The following PPP1CC variants were observed in gnomAD, a reference collection of about 807,000 sequenced individuals.
The protein encoded by PPP1CC is serine/threonine-protein phosphatase PP1-gamma catalytic subunit.
PPP1CC carries 16 observed loss-of-function variants against 38.4 expected under a neutral mutation model. That is an observed-to-expected ratio of 0.42 (90% CI 0.28 to 0.63). The LOEUF is 0.63. Ranked by LOEUF, PPP1CC falls within the 30% of genes least tolerant of loss-of-function variation. The pLI, the probability that PPP1CC is intolerant of heterozygous loss-of-function variation, is 0.25. For synonymous variants in PPP1CC, 158 were observed against 136.0 expected (o/e 1.16, Z -1.13); for missense variants, 170 against 391.3 (o/e 0.43, Z 4.77).
intron 1 of PPP1CC, among the ~76,000 whole-genome samples, chr12:110,737,497 A>AAAAAGAAAAG (rs1555244770): frequency 8.1e-5 from 12 of 147,616 alleles, no homozygotes; most frequent in African/African-American, 2.8e-4. Flanking sequence ...AAAAAAAAAA[A>AAAAAGAAAAG]AAAAGAAAAG....
downstream of PPP1CC, among the ~76,000 whole-genome samples, chr12:110,718,763 C>G (rs1310212859): frequency 1.3e-5 from 2 of 152,178 alleles, no homozygotes; most frequent in African/African-American, 4.8e-5. Context: ...TCAGGTCACT[C>G]ACTCAAATCA....
chr12:110,714,788 A>G (rs2136529280), downstream of PPP1CC, among the ~76,000 whole-genome samples: 1 of 135,592 alleles, frequency 7.4e-6, no homozygotes, highest in African/African-American at 2.8e-5. Context: ...CCTGGGCGAC[A>G]GAGCAAGACT....
chr12:110,711,012 C>T, the PPP1CC span, among the ~76,000 whole-genome samples: 1 of 151,178 alleles, frequency 6.6e-6, no homozygotes, highest in African/African-American at 2.4e-5. Flanking sequence ...CCCGTCTCTA[C>T]TAAAAATACA....
chr12:110,721,899 G>A (rs2069743264), intron 6 of PPP1CC: 1 of 504,804 alleles, frequency 2.0e-6, no homozygotes, highest in Non-Finnish European at 3.5e-6. Flanking sequence ...AAGCATTAAG[G>A]AGCCAATATG....
chr12:110,711,879 C>T, the PPP1CC span, among the ~76,000 whole-genome samples: 1 of 151,872 alleles, frequency 6.6e-6, no homozygotes, highest in African/African-American at 2.4e-5. Flanking sequence ...GAGCCGAGAT[C>T]GCACCATTGC....
rs2069728916 is a variant in PPP1CC, at chr12:110,720,757, G to A, written c.*319C>T. 1 of 233,926 alleles carries A rather than the reference G, an allele frequency of 4.3e-6. No individual in the cohort carries two copies. The highest frequency in any genetic ancestry group is 7.4e-5 in the South Asian group (1 of 13,434). The allele number at this position is 233,926 out of a possible 1,614,324, so 14.5% of individuals were successfully genotyped here. On this transcript the variant is annotated 3_prime_UTR_variant, in exon 7 of 7. Transcript: ENST00000335007. ...CATTTACATGATTATGGGTTGTACT[G>A]AATTAAAAAAGATCAATTGTACACT...
Position 110,720,254 on chromosome 12 carries a change from G to A in PPP1CC, c.*822C>T. On this transcript the variant is annotated 3_prime_UTR_variant, in exon 7 of 7. Transcript: ENST00000335007. ...AGACTATATGGAAATTGTATAAAAT[G>A]TTATTACCTTTTATCGTTAGTAGCT... is the stretch of plus-strand genomic sequence containing the variant. 1.4e-6 allele frequency: 2 copies of A among 1,442,298 alleles called. No individual in the cohort carries two copies. The highest frequency in any genetic ancestry group is 2.5e-5 in the South Asian group (2 of 81,282). 89.3% of individuals were successfully genotyped at this position (1,442,298 alleles called of 1,614,324 possible). A position where few individuals can be genotyped will look rare whatever the true frequency, so the allele number is the denominator to read the frequency against.
chr12:110,741,545 C>G (rs1047094173), intron 1 of PPP1CC, among the ~76,000 whole-genome samples: 3 of 152,178 alleles, frequency 2.0e-5, no homozygotes, highest in Admixed American at 1.3e-4. Context: ...TCTTTAAAAG[C>G]TGAACCTCGC....
chr12:110,729,633 G>C (rs767955603), intron 3 of PPP1CC, among the ~76,000 whole-genome samples: 8 of 152,202 alleles, frequency 5.3e-5, no homozygotes, highest in Admixed American at 6.5e-5. Context: ...TTTTAGGAAA[G>C]TTATTGCCAT....
chr12:110,714,451 A>G, the PPP1CC span, among the ~76,000 whole-genome samples: 3 of 152,080 alleles, frequency 2.0e-5, no homozygotes, highest in East Asian at 5.8e-4. Context: ...GGACCATGTG[A>G]GTCTACGATC....
At chr12:110,713,004 T>C in the PPP1CC span, among the ~76,000 whole-genome samples, 19 of 150,378 alleles carry the variant, frequency 1.3e-4, no homozygotes, top group Non-Finnish European at 2.4e-4. Context: ...ACTTGGGAGG[T>C]GGAGGTTGCG....
downstream of PPP1CC, among the ~76,000 whole-genome samples, chr12:110,717,472 C>T (rs2069696435): frequency 6.6e-6 from 1 of 152,180 alleles, no homozygotes; most frequent in Non-Finnish European, 1.5e-5. Context: ...CGGCTCACTG[C>T]AAGCTCCACC....
intron 1 of PPP1CC, among the ~76,000 whole-genome samples, chr12:110,737,184 A>C (rs2069953110): frequency 6.6e-6 from 1 of 152,220 alleles, no homozygotes; most frequent in Non-Finnish European, 1.5e-5. Context: ...AAATGTTATC[A>C]AGAATCCTTT....
intron 3 of PPP1CC, among the ~76,000 whole-genome samples, chr12:110,727,233 G>A (rs1217765313): frequency 6.6e-6 from 1 of 152,202 alleles, no homozygotes; most frequent in Non-Finnish European, 1.5e-5. Context: ...TTACAGGCGT[G>A]AGCTACCACG....
rs910892112 is a variant in PPP1CC at position 110,719,999 on chromosome 12, T to A, written c.*1077A>T. Reference sequence around the variant, plus strand: ...TGAAACAGATTTCTTTTTTAACAGATCTTAGTTTAAAAAAGTCATAGGTAC... The same window carrying A: ...TGAAACAGATTTCTTTTTTAACAGAACTTAGTTTAAAAAAGTCATAGGTAC... On this transcript the variant is annotated 3_prime_UTR_variant, in exon 7 of 7. Coordinates refer to ENST00000335007, the MANE Select transcript of PPP1CC (RefSeq NM_002710.4). 2.6e-5 allele frequency: 18 copies of A among 696,102 alleles called. No homozygotes were observed. Among genetic ancestry groups the A allele is most frequent in the Non-Finnish European group, 4.0e-5 (17 of 425,592 alleles). 43.1% of individuals were successfully genotyped at this position (696,102 alleles called of 1,614,324 possible).
the PPP1CC span, among the ~76,000 whole-genome samples, chr12:110,713,733 T>TCCA: frequency 6.6e-6 from 1 of 152,178 alleles, no homozygotes; most frequent in Admixed American, 6.5e-5. Context: ...TTTGATGGGT[T>TCCA]CCACCTGTCA....
chr12:110,724,605 G>T, intron 4 of PPP1CC, 55 bp downstream of exon 4: 2 of 995,462 alleles, frequency 2.0e-6, no homozygotes, highest in Non-Finnish European at 3.2e-6. Context: ...ATGTTAAAGT[G>T]TTCACCCTTT....
downstream of PPP1CC, among the ~76,000 whole-genome samples, chr12:110,716,929 G>C (rs1041839731): frequency 6.6e-6 from 1 of 152,216 alleles, no homozygotes; most frequent in East Asian, 1.9e-4. Context: ...AATTCTATTT[G>C]AGTCGTAGGC....
intron 1 of PPP1CC, 62 bp downstream of exon 1, chr12:110,742,591 C>A: frequency 7.3e-7 from 1 of 1,361,126 alleles, no homozygotes. Flanking sequence ...CCCTCGAGCC[C>A]CCGGGGCCGC....
Sources: gnomAD v4.1 joint callset for allele counts (sites outside exome capture counted in the v4.1 genomes callset) on GRCh38, gnomAD v4.1.1 for gene constraint, MANE v1.5 for transcripts, NCBI Gene and HGNC (gene_info 2026-07-23, HGNC 2026-07-21) for gene names.